Variants in SLC16A7 observed in about 807,000 individuals in gnomAD.
The protein encoded by SLC16A7 is solute carrier family 16 member 7.
Under a neutral mutation model 34.9 loss-of-function variants are expected in SLC16A7, and 33 were observed. The observed-to-expected ratio is 0.94, with a 90% CI of 0.72 to 1.26. The LOEUF is 1.26. Ranked by LOEUF, SLC16A7 falls within the 50% of genes most tolerant of loss-of-function variation. The pLI is 0.00. For missense variants in SLC16A7, 573 were observed against 578.1 expected, an observed-to-expected ratio of 0.99 and a Z score of 0.09; for synonymous variants, 201 against 206.6, an observed-to-expected ratio of 0.97 and a Z score of 0.23.
chr12:59,601,049 A>T (rs1878658517), intron 1 of SLC16A7, among the ~76,000 whole-genome samples: 1 of 152,250 alleles, frequency 6.6e-6, no homozygotes, highest in African/African-American at 2.4e-5. Context: ...AGTTGGCATT[A>T]AAATAGCAAC....
chr12:59,789,570 C>G lies in SLC16A7; in HGVS notation c.*9891C>G, dbSNP rs1409687356. 1.3e-5 allele frequency: 2 copies of G among 152,004 alleles called. No homozygotes were observed. Among genetic ancestry groups the G allele is most frequent in the Admixed American group, 6.6e-5 (1 of 15,250 alleles). The allele number at this position is 152,004 out of a possible 1,614,324, so 9.4% of individuals were successfully genotyped here. On this transcript the variant is annotated 3_prime_UTR_variant, in exon 6 of 6. Transcript: ENST00000547379. ...ATCATAAGTGCTTCTATCTGCTGAGCTTTATTTATTGTTTTTGGACAGAAA... is the reference window on the plus strand; with the variant it reads ...ATCATAAGTGCTTCTATCTGCTGAGGTTTATTTATTGTTTTTGGACAGAAA...
chr12:59,612,552 A>G (rs1348257050), intron 1 of SLC16A7, among the ~76,000 whole-genome samples: 2 of 152,194 alleles, frequency 1.3e-5, no homozygotes, highest in East Asian at 1.9e-4. Context: ...CTTGTTACTT[A>G]TGCAAATTTC....
At chr12:59,753,191 C>T (rs1019223284) in intron 3 of SLC16A7, among the ~76,000 whole-genome samples, 1 of 152,174 alleles carries the variant, frequency 6.6e-6, no homozygotes, top group Admixed American at 6.5e-5. Context: ...GAAGAAACTG[C>T]ATCAACTAAC....
At chr12:59,616,058 CAAAG>C (rs1049191762) in intron 1 of SLC16A7, among the ~76,000 whole-genome samples, 1 of 152,086 alleles carries the variant, frequency 6.6e-6, no homozygotes, top group Non-Finnish European at 1.5e-5. Context: ...GCCAGCCTGA[CAAAG>C]AAAAGCATAA....
intron 3 of SLC16A7, among the ~76,000 whole-genome samples, chr12:59,759,139 A>G (rs1449791634): frequency 6.6e-6 from 1 of 152,022 alleles, no homozygotes; most frequent in Non-Finnish European, 1.5e-5. Context: ...GTAACTTGGA[A>G]CTTTTATCCT....
At chr12:59,745,966 ACAGGT>A (rs1425259366) in intron 3 of SLC16A7, among the ~76,000 whole-genome samples, 1 of 152,196 alleles carries the variant, frequency 6.6e-6, no homozygotes, top group Non-Finnish European at 1.5e-5. Flanking sequence ...GAAGTTGAAG[ACAGGT>A]CACATGATGA....
At chr12:59,777,350 T>A (rs1427550131) in intron 5 of SLC16A7, among the ~76,000 whole-genome samples, 1 of 152,136 alleles carries the variant, frequency 6.6e-6, no homozygotes, top group Non-Finnish European at 1.5e-5. Context: ...TAGTATTTGA[T>A]TATCGCTAGA....
chr12:59,719,864 G>A (rs998301806), intron 3 of SLC16A7: 8 of 476,346 alleles, frequency 1.7e-5, no homozygotes, highest in Admixed American at 8.3e-5. Context: ...GGCCTCCCAC[G>A]GAGTGGCCCA....
intron 3 of SLC16A7, among the ~76,000 whole-genome samples, chr12:59,716,964 C>A (rs560394648): frequency 2.6e-5 from 4 of 152,168 alleles, no homozygotes. Flanking sequence ...AGGCTTTTAT[C>A]TCAGCTGGTG....
intron 1 of SLC16A7, among the ~76,000 whole-genome samples, chr12:59,601,838 C>T (rs1031981409): frequency 1.3e-5 from 2 of 152,154 alleles, no homozygotes; most frequent in African/African-American, 2.4e-5. Flanking sequence ...TAATCCCATT[C>T]ATGAGAGTTC....
In SLC16A7 at chr12:59,779,460, G is replaced by A. The variant is rs1883070535; in HGVS notation, c.1218G>A (p.Met406Ile). The A allele has an allele frequency of 6.2e-7, 1 of 1,610,822 alleles. No homozygotes were observed. Among genetic ancestry groups the A allele is most frequent in the African/African-American group, 1.3e-5 (1 of 74,788 alleles). ...LVDLTGEYKY[M>I]YMSCGAIVVA... ...ATTTAACTGGAGAATATAAATACAT[G>A]TACATGTCCTGTGGGGCTATTGTGG... Residue 406 changes from methionine to isoleucine, a missense_variant, in exon 6 of 6, where the codon ATG (methionine) becomes ATA (isoleucine). By Grantham distance (10) the Met-to-Ile change is conservative. Coordinates refer to ENST00000547379, the MANE Select transcript of SLC16A7 (RefSeq NM_001270623.2).
At chr12:59,607,872 C>A (rs1045630956) in intron 1 of SLC16A7, among the ~76,000 whole-genome samples, 2 of 152,140 alleles carry the variant, frequency 1.3e-5, no homozygotes, top group African/African-American at 4.8e-5. Flanking sequence ...GTCTACAAAA[C>A]TAGTAAGTAG....
chr12:59,622,911 T>A (rs2136982936), intron 1 of SLC16A7, among the ~76,000 whole-genome samples: 1 of 151,830 alleles, frequency 6.6e-6, no homozygotes, highest in East Asian at 1.9e-4. Context: ...TGTTTTTTCA[T>A]CTATGGTGAT....
intron 3 of SLC16A7, chr12:59,769,420 G>A (rs897696978): frequency 6.6e-6 from 1 of 151,796 alleles, no homozygotes; most frequent in Non-Finnish European, 1.5e-5. Context: ...ACCATGTTAG[G>A]GACAGAATTA....
intron 1 of SLC16A7, among the ~76,000 whole-genome samples, chr12:59,623,088 GTGTGTC>G (rs2136983301): frequency 7.1e-6 from 1 of 139,994 alleles, no homozygotes; most frequent in African/African-American, 2.6e-5. Flanking sequence ...GTGTGTGTGT[GTGTGTC>G]TGTATGTGCA....
chr12:59,699,643 T>C (rs1333924600), intron 2 of SLC16A7, among the ~76,000 whole-genome samples: 1 of 151,776 alleles, frequency 6.6e-6, no homozygotes, highest in East Asian at 1.9e-4. Flanking sequence ...CTATACATAG[T>C]TATGGGTTAC....
In SLC16A7 at chr12:59,788,092, T is replaced by C. The variant is rs2137519518; in HGVS notation, c.*8413T>C. 1.3e-5 allele frequency: 2 copies of C among 151,368 alleles called. 1 individual carries two copies. Among genetic ancestry groups the C allele is most frequent in the South Asian group, 4.1e-4 (2 of 4,826 alleles). The allele number at this position is 151,368 out of a possible 1,614,324, so 9.4% of individuals were successfully genotyped here. A position where few individuals can be genotyped will look rare whatever the true frequency, so the allele number is the denominator to read the frequency against. ...TGAATAATTCTCCTTTTTTGATAGATTTTTGAAATTGTTTTACTTACTACT... is the reference window on the plus strand; with the variant it reads ...TGAATAATTCTCCTTTTTTGATAGACTTTTGAAATTGTTTTACTTACTACT... On this transcript the variant is annotated 3_prime_UTR_variant, in exon 6 of 6. Transcript: ENST00000547379.
rs547433942 is a variant in SLC16A7, at chr12:59,724,975, C to T, written c.217+19957C>T. Among the ~76,000 whole-genome samples, 80 of 151,894 alleles carry T rather than the reference C, an allele frequency of 5.3e-4. 5 individuals are homozygous for T. Among genetic ancestry groups the T allele is most frequent in the African/African-American group, 1.7e-3 (71 of 41,336 alleles). On this transcript the variant is annotated intron_variant, in intron 3 of 5. Coordinates refer to ENST00000547379, the MANE Select transcript of SLC16A7 (RefSeq NM_001270623.2). ...GCAAAGTGTAGTGTATTTCCTGCCA[C>T]GTAATGCATGCTCAAAAATGATACC...
intron 3 of SLC16A7, among the ~76,000 whole-genome samples, chr12:59,754,858 A>G (rs895101462): frequency 1.3e-5 from 2 of 152,230 alleles, no homozygotes; most frequent in African/African-American, 2.4e-5. Flanking sequence ...AAAATCCTCA[A>G]TAAAATACTG....
Sources: allele counts gnomAD v4.1 joint callset (sites outside exome capture counted in the v4.1 genomes callset), GRCh38; gene constraint gnomAD v4.1.1; transcripts MANE v1.5; gene names NCBI Gene and HGNC (gene_info 2026-07-23, HGNC 2026-07-21).